The following RAB31 variants were observed in gnomAD, a reference collection of about 807,000 sequenced individuals.
RAB31 encodes the protein ras-related protein Rab-31.
Under a neutral mutation model 25.6 loss-of-function variants are expected in RAB31, and 21 were observed. The ratio of observed to expected loss-of-function variants is 0.82; its 90% confidence interval spans 0.58 to 1.18. The LOEUF (loss-of-function observed/expected upper bound fraction) is 1.18. Ranked by LOEUF, RAB31 falls within the 50% of genes most tolerant of loss-of-function variation. RAB31 has a pLI of 0.00. For missense variants in RAB31, 196 were observed against 250.1 expected (o/e 0.78, Z 1.46); for synonymous variants, 87 against 84.0 (o/e 1.04, Z -0.20).
At chr18:9,714,306 T>G (rs554215551) in intron 1 of RAB31, among the ~76,000 whole-genome samples, 1 of 152,350 alleles carries the variant, frequency 6.6e-6, no homozygotes, top group East Asian at 1.9e-4. Context: ...CGTCAGATCA[T>G]CAGGCATTAG....
chr18:9,844,504 G>A, intron 5 of RAB31, among the ~76,000 whole-genome samples: 1 of 152,110 alleles, frequency 6.6e-6, no homozygotes, highest in East Asian at 1.9e-4. Flanking sequence ...ATCACTTCCT[G>A]CCCCTCTGCT....
intron 5 of RAB31, among the ~76,000 whole-genome samples, chr18:9,840,334 C>T (rs377370682): frequency 1.8e-3 from 278 of 152,264 alleles, no homozygotes; most frequent in African/African-American, 5.7e-3. Flanking sequence ...CCTGTTTCAA[C>T]GCCTAGCACA....
intron 1 of RAB31, among the ~76,000 whole-genome samples, chr18:9,737,210 T>G (rs1327027697): frequency 1.3e-5 from 2 of 152,190 alleles, no homozygotes; most frequent in African/African-American, 4.8e-5. Context: ...TAGGTCAGTT[T>G]AATTCTATAG....
At position 9,767,813 on chromosome 18, in the gene RAB31, G is replaced by A. The variant is rs541703234; in HGVS notation, c.40-7465G>A. Among the ~76,000 whole-genome samples, 5 of 152,172 alleles carry A rather than the reference G, an allele frequency of 3.3e-5. No individual in the cohort carries two copies. The East Asian group carries it at 9.7e-4, about 29-fold the overall frequency. On this transcript the variant is annotated intron_variant, in intron 1 of 6. Coordinates refer to ENST00000578921, the MANE Select transcript of RAB31 (RefSeq NM_006868.4). Reference sequence around the variant, plus strand: ...AATACACGTGCCATGGTGGTTTGCTGCACCCATCAATCCGTCATCTACATT... The same window carrying A: ...AATACACGTGCCATGGTGGTTTGCTACACCCATCAATCCGTCATCTACATT...
chr18:9,765,624 A>G (rs1225726133), intron 1 of RAB31, among the ~76,000 whole-genome samples: 2 of 152,192 alleles, frequency 1.3e-5, no homozygotes, highest in Non-Finnish European at 2.9e-5. Flanking sequence ...TCATACCACC[A>G]ACATAGTATT....
intron 1 of RAB31, among the ~76,000 whole-genome samples, chr18:9,768,343 C>T (rs1226373369): frequency 6.6e-6 from 1 of 152,158 alleles, no homozygotes; most frequent in African/African-American, 2.4e-5. Flanking sequence ...CCTATTTCTC[C>T]ACATCCTCTT....
chr18:9,720,042 C>A (rs2068066654), intron 1 of RAB31, among the ~76,000 whole-genome samples: 1 of 151,998 alleles, frequency 6.6e-6, no homozygotes, highest in East Asian at 1.9e-4. Context: ...CGGCTCACTG[C>A]AACTTCCGCC....
Position 9,708,568 on chromosome 18 carries a change from C to A in RAB31, c.39+124C>A. The A allele has an allele frequency of 1.2e-6, 1 of 835,782 alleles. No homozygotes were observed. The highest frequency in any genetic ancestry group is 2.4e-5 in the South Asian group (1 of 41,338). 51.8% of individuals were successfully genotyped at this position (835,782 alleles called of 1,614,324 possible). A position where few individuals can be genotyped will look rare whatever the true frequency, so the allele number is the denominator to read the frequency against. ...CTCTCCGCACCCCTCTCGTAGCCCCCGTCCCCCTCGTCCGCGCGCCCCCTG... is the reference window on the plus strand; with the variant it reads ...CTCTCCGCACCCCTCTCGTAGCCCCAGTCCCCCTCGTCCGCGCGCCCCCTG... On this transcript the variant is annotated intron_variant, in intron 1 of 6. Coordinates refer to ENST00000578921, the MANE Select transcript of RAB31 (RefSeq NM_006868.4). The surrounding 1 kb of genome is among the most constrained non-coding windows in gnomAD (Gnocchi z 6.4).
intron 3 of RAB31, among the ~76,000 whole-genome samples, chr18:9,796,706 CT>C (rs1172957257): frequency 3.3e-5 from 5 of 152,008 alleles, no homozygotes; most frequent in Admixed American, 2.6e-4. Context: ...GCTTTACCCA[CT>C]TTTTTCTTGA....
At chr18:9,851,884 CATATTTCAT>C (rs1369721036) in intron 6 of RAB31, among the ~76,000 whole-genome samples, 2 of 150,554 alleles carry the variant, frequency 1.3e-5, no homozygotes, top group South Asian at 2.1e-4. Flanking sequence ...ATTTCAATAT[CATATTTCAT>C]ATATTTCATA....
rs1001436309 is a variant in RAB31, at chr18:9,773,689, T to C, written c.40-1589T>C. Among the ~76,000 whole-genome samples the C allele has an allele frequency of 2.6e-5, 4 of 152,304 alleles. No homozygotes were observed. In the South Asian group the frequency reaches 8.3e-4, roughly 32 times the overall value. Reference sequence around the variant, plus strand: ...TATATATATTTTTTGAGACAGAATCTCACTCTGTCACCCAGGCTGAGTGCA... The same window carrying C: ...TATATATATTTTTTGAGACAGAATCCCACTCTGTCACCCAGGCTGAGTGCA... On this transcript the variant is annotated intron_variant, in intron 1 of 6. Transcript: ENST00000578921.
chr18:9,780,527 C>T (rs929141886), intron 2 of RAB31, among the ~76,000 whole-genome samples: 1 of 152,182 alleles, frequency 6.6e-6, no homozygotes. Flanking sequence ...ATTTATTCAA[C>T]ATCATTTTGT....
chr18:9,798,006 T>G (rs2143041593), intron 3 of RAB31, among the ~76,000 whole-genome samples: 1 of 152,342 alleles, frequency 6.6e-6, no homozygotes, highest in Non-Finnish European at 1.5e-5. Flanking sequence ...TTATTGTGAT[T>G]GCTTTTCCTA....
chr18:9,809,036 AGG>A (rs2068556452), intron 3 of RAB31, among the ~76,000 whole-genome samples: 2 of 113,594 alleles, frequency 1.8e-5, no homozygotes, highest in South Asian at 7.2e-4. Flanking sequence ...TGTGCTGCTG[AGG>A]GGTGTGTGTG....
chr18:9,840,688 C>A (rs1377599579), intron 5 of RAB31, among the ~76,000 whole-genome samples: 1 of 152,068 alleles, frequency 6.6e-6, no homozygotes, highest in Non-Finnish European at 1.5e-5. Flanking sequence ...TTAGTGTAGA[C>A]CCTGCAAGTT....
intron 5 of RAB31, among the ~76,000 whole-genome samples, chr18:9,828,762 A>G (rs1053195159): frequency 2.0e-5 from 3 of 152,222 alleles, no homozygotes; most frequent in Non-Finnish European, 4.4e-5. Context: ...AGAATTTGAA[A>G]TGCTGGACCT....
chr18:9,752,952 A>G (rs1040488383), intron 1 of RAB31, among the ~76,000 whole-genome samples: 2 of 152,220 alleles, frequency 1.3e-5, no homozygotes, highest in African/African-American at 4.8e-5. Context: ...CTTGACTCCA[A>G]AAAAACTTAA....
chr18:9,859,435 A>G lies in RAB31; in HGVS notation c.*110A>G, dbSNP rs75709326. On this transcript the variant is annotated 3_prime_UTR_variant, in exon 7 of 7. Transcript: ENST00000578921. ...GCACCTCACTTTGAGAAGAGTGAGC[A>G]CACTGGCTTTGCATCCTGGAAGACC... 6,852 of 909,474 alleles carry G rather than the reference A, an allele frequency of 7.5e-3. 349 individuals carry two copies. The African/African-American group carries it at 0.1, about 13-fold the overall frequency. The allele number at this position is 909,474 out of a possible 1,614,324, so 56.3% of individuals were successfully genotyped here.
At chr18:9,738,960 C>G (rs1304630772) in intron 1 of RAB31, among the ~76,000 whole-genome samples, 3 of 152,134 alleles carry the variant, frequency 2.0e-5, no homozygotes, top group African/African-American at 7.2e-5. Context: ...CAGTGGCTTG[C>G]TTGGTGTGTG....
Sources: gnomAD v4.1 joint callset for allele counts (sites outside exome capture counted in the v4.1 genomes callset) on GRCh38, gnomAD v4.1.1 for gene constraint, Gnocchi (gnomAD v3.1) non-coding constraint, MANE v1.5 for transcripts, NCBI Gene and HGNC (gene_info 2026-07-23, HGNC 2026-07-21) for gene names.